PCM1: variants seen among roughly 807,000 people sequenced by gnomAD.
PCM1 encodes pericentriolar material 1 protein.
PCM1 carries 157 observed loss-of-function variants against 241.9 expected under a neutral mutation model. The observed-to-expected ratio is 0.65, with a 90% CI of 0.57 to 0.74. The LOEUF is 0.74. Among genes scored for constraint, PCM1 ranks in the 30% least tolerant of loss-of-function variants. The pLI, the probability that PCM1 is intolerant of heterozygous loss-of-function variation, is 0.00. For synonymous variants in PCM1, 1,085 were observed against 784.9 expected (o/e 1.38, Z -6.39); for missense variants, 3,478 against 2,360.1 (o/e 1.47, Z -9.81).
chr8:17,964,310 C>G (rs1408723015), intron 17 of PCM1, among the ~76,000 whole-genome samples: 1 of 152,106 alleles, frequency 6.6e-6, no homozygotes, highest in Non-Finnish European at 1.5e-5. Flanking sequence ...GGTAGTTTAG[C>G]TTTGGGAAGT....
At chr8:17,970,001 C>G (rs558674520) in intron 22 of PCM1, among the ~76,000 whole-genome samples, 1 of 152,120 alleles carries the variant, frequency 6.6e-6, no homozygotes, top group Non-Finnish European at 1.5e-5. Context: ...TGATACCTGT[C>G]TTTACGGTTA....
At chr8:17,972,729 T>C in intron 23 of PCM1, 42 bp downstream of exon 23, 1 of 1,276,386 alleles carries the variant, frequency 7.8e-7, no homozygotes, top group Non-Finnish European at 1.1e-6. Flanking sequence ...GTGTAAATTT[T>C]GGTAATCTTA....
chr8:17,991,894 C>T (rs1012026439), intron 28 of PCM1, among the ~76,000 whole-genome samples, 194 bp downstream of exon 28: 5 of 152,108 alleles, frequency 3.3e-5, no homozygotes, highest in Non-Finnish European at 5.9e-5. Context: ...CCACTGTATC[C>T]TGCTTATGTC....
chr8:17,939,322 A>T (rs1470065570), intron 5 of PCM1, among the ~76,000 whole-genome samples: 1 of 152,172 alleles, frequency 6.6e-6, no homozygotes, highest in Non-Finnish European at 1.5e-5. Flanking sequence ...ATTTTTTAAA[A>T]TGGCAAATAT....
chr8:17,947,752 G>T (rs966484983), intron 7 of PCM1, among the ~76,000 whole-genome samples: 1 of 152,188 alleles, frequency 6.6e-6, no homozygotes, highest in African/African-American at 2.4e-5. Flanking sequence ...AAAACCTTAA[G>T]TGAGGCAGTG....
chr8:17,947,218 G>T lies in PCM1; in HGVS notation c.816G>T (p.Glu272Asp), dbSNP rs1259716246. The T allele has an allele frequency of 6.2e-7, 1 of 1,610,106 alleles. No individual in the cohort carries two copies. The highest frequency in any genetic ancestry group is 8.5e-7 in the Non-Finnish European group (1 of 1,177,116). The change falls in exon 7 of 39, where the codon GAG (glutamate) becomes GAT (aspartate). Residue 272 changes from glutamate to aspartate, a missense_variant. Coordinates refer to ENST00000325083, the MANE Select transcript of PCM1 (RefSeq NM_006197.4). Reference protein sequence around the residue: ...ARDPQQEPMEEIENLKKQHDL... With the variant: ...ARDPQQEPMEDIENLKKQHDL... Reference sequence around the variant, plus strand: ...ATCCTCAGCAGGAGCCTATGGAAGAGATAGAAAATTTGAAGAAACAACATG... The same window carrying T: ...ATCCTCAGCAGGAGCCTATGGAAGATATAGAAAATTTGAAGAAACAACATG...
chr8:17,947,007 A>G (rs1290602389), intron 6 of PCM1, among the ~76,000 whole-genome samples, 179 bp from the exon 7 acceptor site: 1 of 152,024 alleles, frequency 6.6e-6, no homozygotes, highest in East Asian at 1.9e-4. Context: ...GGCAGGCTAT[A>G]TATATATCTC....
rs1007050010 is a variant in PCM1 at position 17,969,886 on chromosome 8, A to G, written c.3584+138A>G. ...ATGATGTTGGAAATATGAAACTTTG[A>G]CGTATCAGTAGATGAGATGCCAGAT... On this transcript the variant is annotated intron_variant, in intron 22 of 38. Coordinates refer to ENST00000325083, the MANE Select transcript of PCM1 (RefSeq NM_006197.4). 4.6e-6 allele frequency: 3 copies of G among 653,390 alleles called. 1 individual carries two copies. Among genetic ancestry groups the G allele is most frequent in the South Asian group, 4.2e-5 (2 of 47,918 alleles). The allele number at this position is 653,390 out of a possible 1,614,324, so 40.5% of individuals were successfully genotyped here.
intron 22 of PCM1, among the ~76,000 whole-genome samples, chr8:17,969,969 A>G (rs1269195242): frequency 1.3e-5 from 2 of 152,164 alleles, no homozygotes; most frequent in Non-Finnish European, 2.9e-5. Flanking sequence ...CGTAACTCAT[A>G]GGATTTGTTT....
chr8:17,927,913 G>T (rs1585430990), intron 2 of PCM1: 1 of 130,112 alleles, frequency 7.7e-6, no homozygotes, highest in African/African-American at 2.9e-5. Context: ...AATTGCCATA[G>T]TATATTTTCA....
intron 2 of PCM1, 116 bp downstream of exon 2, chr8:17,924,896 C>T (rs1411489720): frequency 6.6e-6 from 1 of 152,236 alleles, no homozygotes; most frequent in African/African-American, 2.4e-5. Flanking sequence ...GCTTAGTAAA[C>T]AAACTTTCTG....
rs754162254 is a variant in PCM1 at position 17,957,779 on chromosome 8, A to C, written c.2040+4A>C. 3.2e-6 allele frequency: 5 copies of C among 1,585,082 alleles called. No individual in the cohort carries two copies. In the South Asian group the frequency reaches 5.6e-5, roughly 18 times the overall value. On this transcript the variant is annotated splice_donor_region_variant and intron_variant, in intron 13 of 38. Coordinates refer to ENST00000325083, the MANE Select transcript of PCM1 (RefSeq NM_006197.4). ...AGATCTTGTTGCTATGGTACAGGTA[A>C]ATATTGCTTGGTCTTTTAAAAACCT... is the stretch of plus-strand genomic sequence containing the variant.
rs376432143 is a variant in PCM1 at position 17,957,344 on chromosome 8, G to A, written c.1727G>A (p.Arg576Gln). The change falls in exon 12 of 39, where the codon CGA (arginine) becomes CAA (glutamine). Residue 576 changes from arginine to glutamine, a missense_variant. Physicochemically the swap from Arg to Gln is conservative, Grantham distance 43. Transcript: ENST00000325083. ...TGTGTTTCTAATAATAGAGATGGGC[G>A]AACAGTTAATTCTAATTGTGAAATT... ...AQCVSNNRDG[R>Q]TVNSNCEINN... 142 of 1,610,236 alleles carry A rather than the reference G, an allele frequency of 8.8e-5. No homozygotes were observed. The highest frequency in any genetic ancestry group is 1.1e-4 in the Non-Finnish European group (125 of 1,176,998).
intron 2 of PCM1, among the ~76,000 whole-genome samples, chr8:17,930,220 C>T (rs984169661): frequency 1.3e-5 from 2 of 151,670 alleles, no homozygotes; most frequent in African/African-American, 2.4e-5. Context: ...TCTGCCTCAG[C>T]CTCCCGAGTA....
rs767972565 is a variant in PCM1 at position 17,967,144 on chromosome 8, T to G, written c.3386T>G (p.Phe1129Cys). Residue 1129 changes from phenylalanine (F) to cysteine (C), a missense_variant, in exon 21 of 39, where the codon TTT becomes TGT. By Grantham distance (205) the Phe-to-Cys change is radical. Transcript: ENST00000325083. ...QPVNLFNIPG[F>C]TNFSSFAPGM... ...GTAAATCTCTTCAATATACCTGGAT[T>G]TACTAACTTTTCATCATTTGCACCA... 6.3e-7 allele frequency: 1 copy of G among 1,597,648 alleles called. No homozygotes were observed.
At chr8:18,010,814 A>T in intron 32 of PCM1, 146 bp downstream of exon 32, 2 of 584,382 alleles carry the variant, frequency 3.4e-6, no homozygotes, top group South Asian at 2.2e-5. Flanking sequence ...AACCCCGTCC[A>T]TACTAAAAAT....
intron 21 of PCM1, 176 bp from the exon 22 acceptor site, chr8:17,969,401 C>T: frequency 1.9e-6 from 1 of 535,660 alleles, no homozygotes; most frequent in South Asian, 2.6e-5. Flanking sequence ...ATGCCTAAAA[C>T]ATAGTGGCCT....
At chr8:17,968,728 A>ATGTGTGTGTGTG (rs1298559791) in intron 21 of PCM1, among the ~76,000 whole-genome samples, 30 of 97,134 alleles carry the variant, frequency 3.1e-4, no homozygotes, top group Admixed American at 2.3e-3. Flanking sequence ...ATGGATGTAT[A>ATGTGTGTGTGTG]TATGTGTGTG....
intron 11 of PCM1, 73 bp from the exon 12 acceptor site, chr8:17,957,191 C>G (rs548423794): frequency 4.3e-6 from 5 of 1,170,674 alleles, no homozygotes; most frequent in Non-Finnish European, 4.8e-6. Flanking sequence ...ATTTTATTAG[C>G]AGTTCTAAAC....
Sources: allele counts gnomAD v4.1 joint callset (sites outside exome capture counted in the v4.1 genomes callset), GRCh38; gene constraint gnomAD v4.1.1; transcripts MANE v1.5; gene names NCBI Gene and HGNC (gene_info 2026-07-23, HGNC 2026-07-21).